Variants in ADAMTS20 observed in about 807,000 individuals in gnomAD.
ADAMTS20 encodes A disintegrin and metalloproteinase with thrombospondin motifs 20.
In ADAMTS20, 225 loss-of-function variants were observed where a neutral mutation model predicts 260.1. That is an observed-to-expected ratio of 0.87 (90% confidence interval 0.78 to 0.97). The LOEUF (loss-of-function observed/expected upper bound fraction) is 0.97, where lower values mean the gene tolerates loss of function less well. Ranked by LOEUF, ADAMTS20 falls within the 50% of genes least tolerant of loss-of-function variation. The probability of loss-of-function intolerance (pLI) is 0.00; values close to 1 mark genes in which losing one functional copy is unlikely to be tolerated. For synonymous variants in ADAMTS20, 802 were observed against 769.5 expected (o/e 1.04, Z -0.70); for missense variants, 2,400 against 2,337.7 (o/e 1.03, Z -0.55).
chr12:43,529,268 A>G (rs1185558854), intron 3 of ADAMTS20, among the ~76,000 whole-genome samples: 1 of 152,134 alleles, frequency 6.6e-6, no homozygotes, highest in Non-Finnish European at 1.5e-5. Context: ...CTAAAAGTAG[A>G]TCCACCGATT....
intron 3 of ADAMTS20, among the ~76,000 whole-genome samples, chr12:43,510,625 C>A (rs1047654481): frequency 6.6e-6 from 1 of 151,952 alleles, no homozygotes; most frequent in African/African-American, 2.4e-5. Flanking sequence ...TGTTAAAATA[C>A]TGTGTTGTCT....
chr12:43,479,152 T>A (rs181780307), intron 7 of ADAMTS20, among the ~76,000 whole-genome samples: 6 of 152,302 alleles, frequency 3.9e-5, no homozygotes, highest in East Asian at 1.9e-4. Context: ...AAAAGCATTA[T>A]CAGAGATAAA....
In ADAMTS20 at chr12:43,551,175, G is replaced by A. The variant is rs766106463; in HGVS notation, c.187C>T (p.Arg63Trp). Reference sequence around the variant, plus strand: ...AGCGCCTCGGAGCTGCGTTTCTGCCGGCTGAAGTGGTGGCTCTGAGGGAAC... The same window carrying A: ...AGCGCCTCGGAGCTGCGTTTCTGCCAGCTGAAGTGGTGGCTCTGAGGGAAC... ...EVFPQSHHFS[R>W]QKRSSEALEP... The change falls in exon 2 of 39, where the codon CGG becomes TGG. Residue 63 changes from arginine to tryptophan, a missense_variant. Arg to Trp is a moderately radical substitution (Grantham distance 101, BLOSUM62 -3). Transcript: ENST00000389420. This position sits in a 1 kb window ranked among gnomAD's most constrained non-coding sequence, Gnocchi z 4.6. 10 of 1,613,774 alleles carry A rather than the reference G, an allele frequency of 6.2e-6. No individual in the cohort carries two copies. Among genetic ancestry groups the A allele is most frequent in the East Asian group, 4.5e-5 (2 of 44,858 alleles).
At chr12:43,513,912 G>A (rs1479916370) in intron 3 of ADAMTS20, among the ~76,000 whole-genome samples, 7 of 141,840 alleles carry the variant, frequency 4.9e-5, no homozygotes, top group Non-Finnish European at 1.1e-4. Context: ...GGCCTGTTGC[G>A]GGTGAGGGGA....
chr12:43,425,012 C>G (rs182728055), intron 28 of ADAMTS20, among the ~76,000 whole-genome samples: 1 of 151,874 alleles, frequency 6.6e-6, no homozygotes, highest in Non-Finnish European at 1.5e-5. Flanking sequence ...AGAGACAAAA[C>G]AAAACAAAAC....
chr12:43,402,544 G>A lies in ADAMTS20; in HGVS notation c.4285-3311C>T, dbSNP rs545488760. On this transcript the variant is annotated intron_variant, in intron 28 of 38. Coordinates refer to ENST00000389420, the MANE Select transcript of ADAMTS20 (RefSeq NM_025003.5). ...TTTAAAGTAAAACAGGACATGTTATGCAAACAGTTATGTTTTAGTTGGAAT... is the reference window on the plus strand; with the variant it reads ...TTTAAAGTAAAACAGGACATGTTATACAAACAGTTATGTTTTAGTTGGAAT... 2.6e-5 allele frequency among the ~76,000 whole-genome samples: 4 copies of A among 152,072 alleles called. No individual in the cohort carries two copies. In the South Asian group the frequency reaches 8.3e-4, roughly 32 times the overall value.
At chr12:43,515,555 G>A (rs1205666687) in intron 3 of ADAMTS20, among the ~76,000 whole-genome samples, 1 of 152,062 alleles carries the variant, frequency 6.6e-6, no homozygotes, top group East Asian at 1.9e-4. Flanking sequence ...CATATGAAAT[G>A]TTCATCTAAC....
rs1377283642 is a variant in ADAMTS20 at position 43,502,069 on chromosome 12, GA to G, written c.867+82del. On this transcript the variant is annotated intron_variant, in intron 4 of 38. Transcript: ENST00000389420. Reference sequence around the variant, plus strand: ...TACAAAATTACATCTAAAGAGTTTGGAAAAAAAATTTAATTCGACATGAAAA... The same window carrying G: ...TACAAAATTACATCTAAAGAGTTTGGAAAAAAATTTAATTCGACATGAAAA... 3.6e-5 allele frequency: 48 copies of G among 1,334,260 alleles called. 2 individuals are homozygous for G. The South Asian group carries it at 5.5e-4, about 15-fold the overall frequency. 82.7% of individuals were successfully genotyped at this position (1,334,260 alleles called of 1,614,324 possible).
At chr12:43,395,113 G>A (rs949729900) in intron 29 of ADAMTS20, among the ~76,000 whole-genome samples, 2 of 152,094 alleles carry the variant, frequency 1.3e-5, no homozygotes, top group African/African-American at 4.8e-5. Flanking sequence ...AGCATTAACA[G>A]ATAGCACTGA....
Position 43,383,541 on chromosome 12 carries a change from T to C in ADAMTS20, c.4797+17A>G, listed in dbSNP as rs1940399920. 1 of 1,579,180 alleles carries C rather than the reference T, an allele frequency of 6.3e-7. No homozygotes were observed. The highest frequency in any genetic ancestry group is 1.8e-5 in the Admixed American group (1 of 54,282). ...TATCAAGGAGCAAAAATTCTCAACT[T>C]CCTTTCTTTACCTTACCTGTGATGA... On this transcript the variant is annotated intron_variant, in intron 31 of 38. Coordinates refer to ENST00000389420, the MANE Select transcript of ADAMTS20 (RefSeq NM_025003.5).
intron 31 of ADAMTS20, among the ~76,000 whole-genome samples, chr12:43,379,365 T>C (rs886748504): frequency 1.3e-5 from 2 of 152,114 alleles, no homozygotes; most frequent in African/African-American, 2.4e-5. Flanking sequence ...AAAGCTCCAG[T>C]GTATTAATGG....
intron 7 of ADAMTS20, among the ~76,000 whole-genome samples, chr12:43,482,204 A>C (rs1246099297): frequency 6.6e-6 from 1 of 152,208 alleles, no homozygotes; most frequent in Non-Finnish European, 1.5e-5. Flanking sequence ...ACAGGTTGAG[A>C]GAAGCTCCCA....
At chr12:43,391,222 T>C (rs1940589731) in intron 29 of ADAMTS20, among the ~76,000 whole-genome samples, 1 of 152,238 alleles carries the variant, frequency 6.6e-6, no homozygotes, top group African/African-American at 2.4e-5. Flanking sequence ...ATTCCAACAA[T>C]GAGTGCTCTA....
intron 3 of ADAMTS20, among the ~76,000 whole-genome samples, chr12:43,530,477 C>T (rs1004301206): frequency 3.9e-5 from 6 of 152,096 alleles, no homozygotes; most frequent in Non-Finnish European, 5.9e-5. Flanking sequence ...ATTTAAAACA[C>T]GGCCTTAGAC....
chr12:43,428,100 C>T (rs1369745350), intron 26 of ADAMTS20, 141 bp downstream of exon 26: 1 of 872,464 alleles, frequency 1.1e-6, no homozygotes. Context: ...ATCAAAGACG[C>T]TTAATCTTTT....
intron 7 of ADAMTS20, among the ~76,000 whole-genome samples, chr12:43,478,436 G>A (rs564892833): frequency 7.9e-5 from 12 of 151,714 alleles, no homozygotes; most frequent in East Asian, 5.8e-4. Context: ...AGAATCCCAC[G>A]GTGAAAACAG....
intron 7 of ADAMTS20, among the ~76,000 whole-genome samples, chr12:43,482,589 G>T (rs1942458319): frequency 6.6e-6 from 1 of 152,174 alleles, no homozygotes; most frequent in South Asian, 2.1e-4. Context: ...CCAGGGAGCT[G>T]CCTTCTGCTT....
At chr12:43,416,599 C>T (rs1018197873) in intron 28 of ADAMTS20, among the ~76,000 whole-genome samples, 6 of 151,420 alleles carry the variant, frequency 4.0e-5, no homozygotes, top group Admixed American at 2.0e-4. Flanking sequence ...CCTCGGCTCA[C>T]TGCAAGCTCC....
chr12:43,502,389 T>C lies in ADAMTS20; in HGVS notation c.630A>G (p.Glu210=). Residue 210 remains glutamate (E), a synonymous_variant, in exon 4 of 39, where the codon GAA becomes GAG. Transcript: ENST00000389420. Reference sequence around the variant, plus strand: ...TGTAGGTATGAAAGGGTAAACTGGTTTCCTTTATTTGACTTTCTAGGGAGA... The same window carrying C: ...TGTAGGTATGAAAGGGTAAACTGGTCTCCTTTATTTGACTTTCTAGGGAGA... ...YCSVSESQIK[E]TSLPFHTYSN... The C allele has an allele frequency of 6.3e-7, 1 of 1,586,844 alleles. No homozygotes were observed. The highest frequency in any genetic ancestry group is 8.5e-7 in the Non-Finnish European group (1 of 1,173,102).
Sources: gnomAD v4.1 joint callset for allele counts (sites outside exome capture counted in the v4.1 genomes callset) on GRCh38, gnomAD v4.1.1 for gene constraint, Gnocchi (gnomAD v3.1) non-coding constraint, MANE v1.5 for transcripts, NCBI Gene and HGNC (gene_info 2026-07-23, HGNC 2026-07-21) for gene names.